ZNF738: variants seen among roughly 807,000 people sequenced by gnomAD.
ZNF738 encodes zinc finger protein 738.
In ZNF738, 10 loss-of-function variants were observed where a neutral mutation model predicts 9.2. The observed-to-expected ratio is 1.09, with a 90% CI of 0.67 to 1.85. The LOEUF is 1.85. Among genes scored for constraint, ZNF738 ranks in the 40% most tolerant of loss-of-function variants. The probability of loss-of-function intolerance (pLI) is 0.00; values close to 1 mark genes in which losing one functional copy is unlikely to be tolerated. For missense variants in ZNF738, 346 were observed against 283.6 expected (o/e 1.22, Z -1.58); for synonymous variants, 113 against 94.5 (o/e 1.20, Z -1.14).
intron 4 of ZNF738, chr19:21,381,341 G>C: frequency 6.5e-7 from 1 of 1,535,170 alleles, no homozygotes; most frequent in Non-Finnish European, 9.0e-7. Flanking sequence ...TGTTAGCTTT[G>C]CTTTCTTTTT....
In ZNF738 at chr19:21,383,978, T is replaced by C. The variant is rs1420812739; in HGVS notation, c.*304T>C. The stretch of plus-strand genomic sequence containing the variant: ...ACCTTACTGCACATAAGTTGATTCA[T>C]ACTGGAGAGAAACCCTACAAATGTG... On this transcript the variant is annotated 3_prime_UTR_variant, in exon 5 of 5. Transcript: ENST00000683779. 2.7e-6 allele frequency: 4 copies of C among 1,454,640 alleles called. No homozygotes were observed. In the East Asian group the frequency reaches 9.1e-5, roughly 33 times the overall value. The allele number at this position is 1,454,640 out of a possible 1,614,324, so 90.1% of individuals were successfully genotyped here. A position where few individuals can be genotyped will look rare whatever the true frequency, so the allele number is the denominator to read the frequency against.
In ZNF738 at chr19:21,383,841, T is replaced by C. The variant is rs1038939514; in HGVS notation, c.*167T>C. 2 of 1,325,744 alleles carry C rather than the reference T, an allele frequency of 1.5e-6. No individual in the cohort carries two copies. The highest frequency in any genetic ancestry group is 2.2e-6 in the Non-Finnish European group (2 of 924,566). 82.1% of individuals were successfully genotyped at this position (1,325,744 alleles called of 1,614,324 possible). A position where few individuals can be genotyped will look rare whatever the true frequency, so the allele number is the denominator to read the frequency against. ...AGAGAAACCCTACAAATGTGGAGAA[T>C]GTGGCAAAGCTTTCTTCAGATTCTC... is the stretch of plus-strand genomic sequence containing the variant. On this transcript the variant is annotated 3_prime_UTR_variant, in exon 5 of 5. Coordinates refer to ENST00000683779, the MANE Select transcript of ZNF738 (RefSeq NM_001355237.2).
chr19:21,368,620 G>A (rs771757609), intron 2 of ZNF738, among the ~76,000 whole-genome samples: 21 of 151,888 alleles, frequency 1.4e-4, no homozygotes, highest in Admixed American at 2.6e-4. Context: ...ACCAAGCCCT[G>A]CTAATTTTTG....
At position 21,386,547 on chromosome 19, in the gene ZNF738, T is replaced by G. The variant is rs1974069900; in HGVS notation, c.*2873T>G. On this transcript the variant is annotated 3_prime_UTR_variant, in exon 5 of 5. Transcript: ENST00000683779. Reference sequence around the variant, plus strand: ...AAGCTTTTAACCAGTCCTACAAACCTTTTTGAACAAAATAATTCATACAGG... The same window carrying G: ...AAGCTTTTAACCAGTCCTACAAACCGTTTTGAACAAAATAATTCATACAGG... 2.8e-6 allele frequency: 1 copy of G among 357,030 alleles called. No individual in the cohort carries two copies. 22.1% of individuals were successfully genotyped at this position (357,030 alleles called of 1,614,324 possible). A position where few individuals can be genotyped will look rare whatever the true frequency, so the allele number is the denominator to read the frequency against.
chr19:21,362,122 AT>A (rs1973707841), intron 2 of ZNF738, among the ~76,000 whole-genome samples: 2 of 150,166 alleles, frequency 1.3e-5, no homozygotes, highest in African/African-American at 4.9e-5. Context: ...AATAATAATA[AT>A]AATAATAATG....
intron 1 of ZNF738, among the ~76,000 whole-genome samples, chr19:21,361,237 A>C (rs1056342045): frequency 6.6e-6 from 1 of 151,958 alleles, no homozygotes; most frequent in Non-Finnish European, 1.5e-5. Context: ...TCCCGGGTTC[A>C]GGCGATTCTC....
intron 4 of ZNF738, chr19:21,378,416 T>C (rs1352028761): frequency 1.1e-5 from 2 of 176,792 alleles, no homozygotes; most frequent in East Asian, 3.6e-4. Flanking sequence ...CAATATACTT[T>C]TTAAAATTTG....
In ZNF738 at chr19:21,385,579, C is replaced by T. The variant is rs1020436811; in HGVS notation, c.*1905C>T. On this transcript the variant is annotated 3_prime_UTR_variant, in exon 5 of 5. Transcript: ENST00000683779. ...ACACCTTACTGCACATAAGAGAAAT[C>T]ATACTGGAAGGAAACCCTACAAATG... Among the ~76,000 whole-genome samples, 1 of 152,128 alleles carries T rather than the reference C, an allele frequency of 6.6e-6. No individual in the cohort carries two copies. Among genetic ancestry groups the T allele is most frequent in the Non-Finnish European group, 1.5e-5 (1 of 68,018 alleles).
At chr19:21,366,733 C>T (rs542972014) in intron 2 of ZNF738, among the ~76,000 whole-genome samples, 6 of 152,178 alleles carry the variant, frequency 3.9e-5, no homozygotes, top group African/African-American at 1.4e-4. Context: ...ATTTATATAT[C>T]TCCTTTTTAG....
chr19:21,359,901 T>G (rs1390672343), intron 1 of ZNF738, among the ~76,000 whole-genome samples: 1 of 152,054 alleles, frequency 6.6e-6, no homozygotes, highest in Non-Finnish European at 1.5e-5. Flanking sequence ...ACTTATTAAA[T>G]AATTTAATCA....
At chr19:21,374,561 T>A (rs1244059561) in intron 2 of ZNF738, among the ~76,000 whole-genome samples, 1 of 152,254 alleles carries the variant, frequency 6.6e-6, no homozygotes, top group Non-Finnish European at 1.5e-5. Context: ...CATTATTAAG[T>A]ATCTTTATGT....
chr19:21,382,107 C>T (rs574494149), intron 4 of ZNF738, among the ~76,000 whole-genome samples: 1 of 113,772 alleles, frequency 8.8e-6, no homozygotes, highest in African/African-American at 3.5e-5. Flanking sequence ...GCTCTGTTGC[C>T]CAGGCTAGAG....
rs961475048 is a variant in ZNF738 at position 21,385,228 on chromosome 19, A to C, written c.*1554A>C. Among the ~76,000 whole-genome samples the C allele has an allele frequency of 6.6e-6, 1 of 152,162 alleles. No homozygotes were observed. The highest frequency in any genetic ancestry group is 2.4e-5 in the African/African-American group (1 of 41,436). On this transcript the variant is annotated 3_prime_UTR_variant, in exon 5 of 5. Coordinates refer to ENST00000683779, the MANE Select transcript of ZNF738 (RefSeq NM_001355237.2). ...TCCCAGCACTTTGGGAGGCTGAGGCAGGCAGATCACCTGGTCAAGAGTTCA... is the reference window on the plus strand; with the variant it reads ...TCCCAGCACTTTGGGAGGCTGAGGCCGGCAGATCACCTGGTCAAGAGTTCA...
chr19:21,374,227 A>G (rs1463272278), intron 2 of ZNF738, among the ~76,000 whole-genome samples: 6 of 152,156 alleles, frequency 3.9e-5, no homozygotes, highest in African/African-American at 7.2e-5. Flanking sequence ...ACTGGATGGC[A>G]TTTATTACTC....
chr19:21,383,046 A>G lies in ZNF738; in HGVS notation c.500A>G (p.Tyr167Cys). The change falls in exon 5 of 5, where the codon TAT becomes TGT. Residue 167 changes from tyrosine to cysteine, a missense_variant. Transcript: ENST00000683779. ...GAAGGTTATAATGAACTAAAAGAGT[A>G]TTTGACAACTACCCAGAGCAAAATA... ...QKEGYNELKE[Y>C]LTTTQSKIFQ... 4 of 958,086 alleles carry G rather than the reference A, an allele frequency of 4.2e-6. No individual in the cohort carries two copies. Among genetic ancestry groups the G allele is most frequent in the Middle Eastern group, 2.1e-4 (1 of 4,660 alleles). The allele number at this position is 958,086 out of a possible 1,614,324, so 59.3% of individuals were successfully genotyped here.
chr19:21,383,954 C>G lies in ZNF738; in HGVS notation c.*280C>G, dbSNP rs1410733635. ...GCAAAGCTTTTAACTGTTACTCCTA[C>G]CTTACTGCACATAAGTTGATTCATA... On this transcript the variant is annotated 3_prime_UTR_variant, in exon 5 of 5. Coordinates refer to ENST00000683779, the MANE Select transcript of ZNF738 (RefSeq NM_001355237.2). 1 of 1,430,620 alleles carries G rather than the reference C, an allele frequency of 7.0e-7. No homozygotes were observed. Among genetic ancestry groups the G allele is most frequent in the Non-Finnish European group, 9.8e-7 (1 of 1,019,524 alleles). The allele number at this position is 1,430,620 out of a possible 1,614,324, so 88.6% of individuals were successfully genotyped here.
rs1313940235 is a variant in ZNF738 at position 21,387,428 on chromosome 19, A to G, written c.*3754A>G. ...GGTCTCAAACTCCTGACCTCAGGTG[A>G]TCCGCCCACCTCGGGCCTCCCAAAG... On this transcript the variant is annotated 3_prime_UTR_variant, in exon 5 of 5. Transcript: ENST00000683779. Among the ~76,000 whole-genome samples the G allele has an allele frequency of 6.6e-6, 1 of 151,856 alleles. No homozygotes were observed. Among genetic ancestry groups the G allele is most frequent in the Non-Finnish European group, 1.5e-5 (1 of 67,994 alleles).
intron 1 of ZNF738, 110 bp downstream of exon 1, chr19:21,359,253 G>A (rs563984423): frequency 2.9e-5 from 24 of 833,792 alleles, no homozygotes; most frequent in Middle Eastern, 2.2e-4. Flanking sequence ...TACAATCTGC[G>A]CCCCGAGTTC....
intron 4 of ZNF738, among the ~76,000 whole-genome samples, chr19:21,380,193 C>A (rs1165551204): frequency 6.6e-6 from 1 of 152,154 alleles, no homozygotes; most frequent in Non-Finnish European, 1.5e-5. Flanking sequence ...TTCTCTGCTA[C>A]AAACCATAGT....
Sources: allele counts gnomAD v4.1 joint callset (sites outside exome capture counted in the v4.1 genomes callset), GRCh38; gene constraint gnomAD v4.1.1; transcripts MANE v1.5; gene names NCBI Gene and HGNC (gene_info 2026-07-23, HGNC 2026-07-21).